Variants in EVL observed in about 807,000 individuals in gnomAD.
EVL encodes ena/VASP-like protein.
EVL carries 21 observed loss-of-function variants against 59.6 expected under a neutral mutation model. The ratio of observed to expected loss-of-function variants is 0.35; its 90% confidence interval spans 0.25 to 0.51. EVL has a LOEUF of 0.51. Among genes scored for constraint, EVL ranks in the 20% least tolerant of loss-of-function variants. The pLI is 0.97. For missense variants in EVL, 462 were observed against 546.6 expected (o/e 0.85, Z 1.54); for synonymous variants, 198 against 203.5 (o/e 0.97, Z 0.23).
chr14:100,031,921 C>G (rs1161155944), intron 1 of EVL, among the ~76,000 whole-genome samples: 1 of 152,206 alleles, frequency 6.6e-6, no homozygotes, highest in Admixed American at 6.5e-5. Context: ...CCAGAGACAC[C>G]AAGGAAGAGA....
At chr14:100,054,992 A>G (rs1278575909) in intron 1 of EVL, among the ~76,000 whole-genome samples, 3 of 152,148 alleles carry the variant, frequency 2.0e-5, no homozygotes, top group Non-Finnish European at 4.4e-5. Context: ...ACCTGAGGTC[A>G]GGAGTCAAGA....
chr14:100,002,180 G>C (rs1433982568), intron 1 of EVL, among the ~76,000 whole-genome samples: 1 of 152,070 alleles, frequency 6.6e-6, no homozygotes, highest in African/African-American at 2.4e-5. Flanking sequence ...TGTTCTGCTT[G>C]ATATCCATGA....
intron 1 of EVL, among the ~76,000 whole-genome samples, chr14:100,028,768 G>T (rs1221129873): frequency 6.6e-6 from 1 of 152,126 alleles, no homozygotes; most frequent in Admixed American, 6.5e-5. Context: ...CCAAGTTCAC[G>T]CCACTGCACT....
At chr14:100,124,863 G>A (rs1156812145) in intron 4 of EVL, among the ~76,000 whole-genome samples, 2 of 152,178 alleles carry the variant, frequency 1.3e-5, no homozygotes, top group Admixed American at 6.5e-5. Context: ...ACCGCCTGGC[G>A]GTCGGGGTGT....
At chr14:100,049,386 A>G (rs778718537) in intron 1 of EVL, among the ~76,000 whole-genome samples, 8 of 152,136 alleles carry the variant, frequency 5.3e-5, no homozygotes, top group African/African-American at 4.8e-5. Flanking sequence ...GCAACTGTGT[A>G]TTCTAGGGAG....
intron 1 of EVL, among the ~76,000 whole-genome samples, chr14:100,016,564 G>A (rs374661082): frequency 5.9e-5 from 9 of 152,282 alleles, no homozygotes; most frequent in African/African-American, 1.9e-4. Context: ...GCAAAAGAGC[G>A]AGACTCCGTC....
intron 1 of EVL, among the ~76,000 whole-genome samples, chr14:100,025,939 AAAAC>A (rs759132197): frequency 1.5e-4 from 23 of 152,158 alleles, no homozygotes; most frequent in African/African-American, 3.1e-4. Flanking sequence ...TCTGTCTCCA[AAAAC>A]AAACAAACAA....
chr14:99,987,409 A>G (rs1037980298), intron 1 of EVL, among the ~76,000 whole-genome samples: 3 of 152,222 alleles, frequency 2.0e-5, no homozygotes, highest in Non-Finnish European at 4.4e-5. Context: ...TGGGAGGCCA[A>G]GGCAGGTGGA....
chr14:100,042,023 A>C (rs751199081), intron 1 of EVL, among the ~76,000 whole-genome samples: 11 of 152,254 alleles, frequency 7.2e-5, no homozygotes, highest in African/African-American at 2.4e-4. Flanking sequence ...TTTAATAACC[A>C]TATGAACTAA....
At chr14:100,123,330 A>C (rs758638696) in intron 3 of EVL, among the ~76,000 whole-genome samples, 6 of 152,236 alleles carry the variant, frequency 3.9e-5, no homozygotes, top group Non-Finnish European at 8.8e-5. Context: ...TTATTGGTTC[A>C]GAATGAAGAG....
At chr14:100,101,717 G>T (rs1886235377) in intron 3 of EVL, among the ~76,000 whole-genome samples, 1 of 152,298 alleles carries the variant, frequency 6.6e-6, no homozygotes, top group South Asian at 2.1e-4. Flanking sequence ...GACTATACTG[G>T]TTTACACGCT....
In EVL at chr14:99,978,331, G is replaced by A. The variant is rs2060784326; in HGVS notation, c.5+6274G>A. Reference sequence around the variant, plus strand: ...GCAGGAGAATGGCGCGAACCCGGGAGGCGGAGCTTGCAGTGAGCCGAGATC... The same window carrying A: ...GCAGGAGAATGGCGCGAACCCGGGAAGCGGAGCTTGCAGTGAGCCGAGATC... On this transcript the variant is annotated intron_variant, in intron 1 of 13. Transcript: ENST00000402714. 1.3e-5 allele frequency among the ~76,000 whole-genome samples: 2 copies of A among 151,742 alleles called. 1 individual carries two copies. Among genetic ancestry groups the A allele is most frequent in the South Asian group, 4.2e-4 (2 of 4,812 alleles).
chr14:100,116,000 G>T (rs779344169), intron 3 of EVL, among the ~76,000 whole-genome samples: 6 of 152,242 alleles, frequency 3.9e-5, no homozygotes, highest in Non-Finnish European at 7.3e-5. Context: ...GGAGACATTT[G>T]TCGTGGGCTC....
rs756735010 is a variant in EVL, at chr14:100,028,130, G to GTT, written c.5+56075_5+56076dup. ...TCTACTTTTAGTTGTTTTTTTGTTT[G>GTT]TTTGTTTTTTTTTTTTTTTTTGAGG... On this transcript the variant is annotated intron_variant, in intron 1 of 13. Coordinates refer to the EVL transcript ENST00000402714. 3.9e-3 allele frequency among the ~76,000 whole-genome samples: 388 copies of GTT among 99,468 alleles called. 4 individuals are homozygous for GTT. Among genetic ancestry groups the GTT allele is most frequent in the African/African-American group, 0.018 (358 of 20,422 alleles). The allele number at this position is 99,468 out of a possible 152,430, so 65.3% of individuals were successfully genotyped here.
chr14:100,070,955 C>T (rs557341986), intron 1 of EVL, among the ~76,000 whole-genome samples: 97 of 152,302 alleles, frequency 6.4e-4, no homozygotes, highest in South Asian at 6.0e-3. Flanking sequence ...GAAAGGGCTA[C>T]GCCGGTGGCC....
chr14:100,016,114 T>A (rs905744775), intron 1 of EVL, among the ~76,000 whole-genome samples: 30 of 151,814 alleles, frequency 2.0e-4, no homozygotes, highest in Admixed American at 3.9e-4. Flanking sequence ...TTTATTAATT[T>A]AAAAATTTAA....
At chr14:100,076,449 C>T (rs1434571819) in intron 1 of EVL, among the ~76,000 whole-genome samples, 2 of 152,158 alleles carry the variant, frequency 1.3e-5, no homozygotes, top group African/African-American at 4.8e-5. Flanking sequence ...TGGCCCCTGC[C>T]CTGGAGGCGT....
chr14:100,080,587 G>A (rs933041069), intron 1 of EVL, among the ~76,000 whole-genome samples: 1 of 152,194 alleles, frequency 6.6e-6, no homozygotes, highest in Non-Finnish European at 1.5e-5. Context: ...CATGACACAC[G>A]GAGGGAAATT....
intron 1 of EVL, among the ~76,000 whole-genome samples, chr14:99,981,845 C>G (rs77755706): frequency 2.0e-5 from 3 of 152,180 alleles, no homozygotes; most frequent in East Asian, 1.9e-4. Flanking sequence ...TACAAACCTT[C>G]AATTGGTAAA....
Sources: allele counts gnomAD v4.1 joint callset (sites outside exome capture counted in the v4.1 genomes callset), GRCh38; gene constraint gnomAD v4.1.1; transcripts MANE v1.5; gene names NCBI Gene and HGNC (gene_info 2026-07-23, HGNC 2026-07-21).